CCL8: variants seen among roughly 807,000 people sequenced by gnomAD.
The protein encoded by CCL8 is C-C motif chemokine 8.
A neutral mutation model predicts 6.6 loss-of-function variants in CCL8; 3 were observed. That is an observed-to-expected ratio of 0.45 (90% CI 0.21 to 1.17). The LOEUF is 1.17. CCL8 is among the 50% of genes most tolerant of loss of function. The pLI is 0.24. For missense variants in CCL8, 127 were observed against 118.1 expected (o/e 1.08, Z -0.35); for synonymous variants, 49 against 41.8 (o/e 1.17, Z -0.67).
At position 34,319,461 on chromosome 17, in the gene CCL8, C is replaced by A. The variant is rs202065406; in HGVS notation, c.-41C>A. The stretch of plus-strand genomic sequence containing the variant: ...GAGAGGTTGAGAACAACCCAGAAAC[C>A]TTCACCTCTCATGCTGAAGCTCACA... On this transcript the variant is annotated 5_prime_UTR_variant, in exon 1 of 3. Coordinates refer to ENST00000394620, the MANE Select transcript of CCL8 (RefSeq NM_005623.3). 158 of 1,590,724 alleles carry A rather than the reference C, an allele frequency of 9.9e-5. No individual in the cohort carries two copies. The Admixed American group carries it at 1.0e-3, about 10-fold the overall frequency.
intron 1 of CCL8, among the ~76,000 whole-genome samples, chr17:34,319,783 G>A (rs1467143888): frequency 3.9e-5 from 6 of 152,168 alleles, no homozygotes; most frequent in Admixed American, 6.5e-5. Context: ...AATCCAGAAC[G>A]AAGAACTGTT....
At chr17:34,319,868 G>T (rs1191601423) in intron 1 of CCL8, among the ~76,000 whole-genome samples, 1 of 152,168 alleles carries the variant, frequency 6.6e-6, no homozygotes, top group Non-Finnish European at 1.5e-5. Flanking sequence ...TTCAAATTTT[G>T]GTTATGGTTC....
chr17:34,320,489 C>A, intron 2 of CCL8, 103 bp downstream of exon 2: 1 of 770,746 alleles, frequency 1.3e-6, no homozygotes, highest in South Asian at 1.6e-5. Flanking sequence ...AACTTCTATC[C>A]AAAGGGCCCC....
At chr17:34,320,707 G>T in intron 2 of CCL8, 95 bp from the exon 3 acceptor site, 2 of 773,268 alleles carry the variant, frequency 2.6e-6, no homozygotes, top group Non-Finnish European at 4.2e-6. Context: ...TTCACCTAAG[G>T]ACCAAGGGCT....
In CCL8 at chr17:34,321,245, A is replaced by G; in HGVS notation, c.*338A>G. On this transcript the variant is annotated 3_prime_UTR_variant, in exon 3 of 3. Transcript: ENST00000394620. ...GTGTTGTGGGGTCCTCCCATGGATC[A>G]TCAAGGTGAAACACTTTGGTATTCT... 4.3e-6 allele frequency: 1 copy of G among 231,864 alleles called. No homozygotes were observed. Among genetic ancestry groups the G allele is most frequent in the Non-Finnish European group, 8.2e-6 (1 of 121,242 alleles). The allele number at this position is 231,864 out of a possible 1,614,324, so 14.4% of individuals were successfully genotyped here.
chr17:34,320,536 T>C (rs753380162), intron 2 of CCL8, 150 bp downstream of exon 2: 23 of 643,996 alleles, frequency 3.6e-5, no homozygotes, highest in Non-Finnish European at 5.5e-5. Context: ...TGAGAAGGAG[T>C]CCATAACTGC....
intron 1 of CCL8, 24 bp downstream of exon 1, chr17:34,319,601 G>C: frequency 6.4e-7 from 1 of 1,571,386 alleles, no homozygotes; most frequent in South Asian, 1.1e-5. Flanking sequence ...CTTTTTAAGG[G>C]GAGACCAAAA....
Position 34,320,794 on chromosome 17 carries a change from C to T in CCL8, c.195-8C>T, listed in dbSNP as rs557820353. The stretch of plus-strand genomic sequence containing the variant: ...CTTCCATCTAATTGTGCCCTCTCTC[C>T]CCCACAGCTTCAAGACCAAACGGGG... On this transcript the variant is annotated splice_region_variant and splice_polypyrimidine_tract_variant and intron_variant, in intron 2 of 2. Transcript: ENST00000394620. The T allele has an allele frequency of 6.0e-5, 94 of 1,571,176 alleles. No homozygotes were observed. In the Admixed American group the frequency reaches 1.7e-3, roughly 28 times the overall value.
chr17:34,320,003 A>G (rs1301048523), intron 1 of CCL8, among the ~76,000 whole-genome samples: 1 of 152,202 alleles, frequency 6.6e-6, no homozygotes, highest in African/African-American at 2.4e-5. Context: ...ATTGGAACTT[A>G]TGTTCCCAGT....
At chr17:34,319,645 A>C in intron 1 of CCL8, 68 bp downstream of exon 1, 127 of 1,216,738 alleles carry the variant, frequency 1.0e-4, no homozygotes, top group Non-Finnish European at 1.4e-4. Flanking sequence ...GTCACAGCTC[A>C]TTAGGAACAA....
At chr17:34,320,770 T>G in intron 2 of CCL8, 32 bp from the exon 3 acceptor site, 1 of 1,358,634 alleles carries the variant, frequency 7.4e-7, no homozygotes, top group Non-Finnish European at 1.0e-6. Context: ...CTTCAAAGTC[T>G]TCCATCTAAT....
At chr17:34,320,427 A>T (rs1909485267) in intron 2 of CCL8, 41 bp downstream of exon 2, 1 of 1,246,146 alleles carries the variant, frequency 8.0e-7, no homozygotes, top group African/African-American at 1.5e-5. Context: ...AAAAGTTCTG[A>T]TGGACAACAT....
In CCL8 at chr17:34,320,333, G is replaced by A. The variant is rs142323373; in HGVS notation, c.141G>A (p.Arg47=). 5.6e-6 allele frequency: 9 copies of A among 1,613,572 alleles called. No homozygotes were observed. The African/African-American group carries it at 1.1e-4, about 19-fold the overall frequency. Residue 47 remains arginine, a synonymous_variant, in exon 2 of 3, where the codon AGG becomes AGA. Transcript: ENST00000394620. ...TCAATAGGAAAATTCCTATCCAGAG[G>A]CTGGAGAGCTACACAAGAATCACCA... ...NVINRKIPIQ[R]LESYTRITNI...
At chr17:34,320,739 G>T (rs539077789) in intron 2 of CCL8, 63 bp from the exon 3 acceptor site, 4 of 1,052,008 alleles carry the variant, frequency 3.8e-6, no homozygotes, top group Non-Finnish European at 5.7e-6. Context: ...GGGACCAATG[G>T]CCCACAGTCC....
At position 34,321,146 on chromosome 17, in the gene CCL8, T is replaced by G. The variant is rs892010166; in HGVS notation, c.*239T>G. 1 of 397,364 alleles carries G rather than the reference T, an allele frequency of 2.5e-6. No homozygotes were observed. The highest frequency in any genetic ancestry group is 2.1e-5 in the African/African-American group (1 of 46,808). The allele number at this position is 397,364 out of a possible 1,614,324, so 24.6% of individuals were successfully genotyped here. A position where few individuals can be genotyped will look rare whatever the true frequency, so the allele number is the denominator to read the frequency against. The stretch of plus-strand genomic sequence containing the variant: ...AATGCAAAATCCTGGTGATGTGTTT[T>G]TTGTTTTTGTTTTCCTGTGAGCTCA... On this transcript the variant is annotated 3_prime_UTR_variant, in exon 3 of 3. Coordinates refer to ENST00000394620, the MANE Select transcript of CCL8 (RefSeq NM_005623.3).
In CCL8 at chr17:34,320,404, G is replaced by A. The variant is rs1181919366; in HGVS notation, c.194+18G>A. Reference sequence around the variant, plus strand: ...GCTGTGATGTGAGTGGACAGTGCCTGGCACCCCCATTCAAAAGTTCTGATG... The same window carrying A: ...GCTGTGATGTGAGTGGACAGTGCCTAGCACCCCCATTCAAAAGTTCTGATG... On this transcript the variant is annotated intron_variant, in intron 2 of 2. Transcript: ENST00000394620. 1.3e-6 allele frequency: 2 copies of A among 1,486,530 alleles called. No homozygotes were observed. The highest frequency in any genetic ancestry group is 3.3e-5 in the Admixed American group (2 of 59,712). 92.1% of individuals were successfully genotyped at this position (1,486,530 alleles called of 1,614,324 possible).
At chr17:34,320,482 T>C in intron 2 of CCL8, 96 bp downstream of exon 2, 1 of 821,736 alleles carries the variant, frequency 1.2e-6, no homozygotes, top group South Asian at 1.5e-5. Context: ...TGCATATAAC[T>C]TCTATCCAAA....
At position 34,321,166 on chromosome 17, in the gene CCL8, A is replaced by G. The variant is rs1405946934; in HGVS notation, c.*259A>G. On this transcript the variant is annotated 3_prime_UTR_variant, in exon 3 of 3. Transcript: ENST00000394620. ...TGTTTTTTGTTTTTGTTTTCCTGTG[A>G]GCTCAACTAAGTTCACGGCAAAATG... The G allele has an allele frequency of 1.4e-5, 5 of 360,708 alleles. No individual in the cohort carries two copies. The highest frequency in any genetic ancestry group is 9.8e-6 in the Non-Finnish European group (2 of 204,148). 22.3% of individuals were successfully genotyped at this position (360,708 alleles called of 1,614,324 possible). A position where few individuals can be genotyped will look rare whatever the true frequency, so the allele number is the denominator to read the frequency against.
chr17:34,320,407 AC>A (rs752159568), intron 2 of CCL8, 21 bp downstream of exon 2: 1 of 1,465,308 alleles, frequency 6.8e-7, no homozygotes, highest in Non-Finnish European at 9.6e-7. Context: ...AGTGCCTGGC[AC>A]CCCCATTCAA....
Sources: allele counts gnomAD v4.1 joint callset (sites outside exome capture counted in the v4.1 genomes callset), GRCh38; gene constraint gnomAD v4.1.1; transcripts MANE v1.5; gene names NCBI Gene and HGNC (gene_info 2026-07-23, HGNC 2026-07-21).